GRID2: variants seen among roughly 807,000 people sequenced by gnomAD.
GRID2 encodes the protein glutamate receptor ionotropic, delta-2.
GRID2 carries 33 observed loss-of-function variants against 114.8 expected under a neutral mutation model. That is an observed-to-expected ratio of 0.29 (90% CI 0.22 to 0.38). The LOEUF is 0.38. GRID2 is among the 10% of genes least tolerant of loss of function. The pLI, the probability that GRID2 is intolerant of heterozygous loss-of-function variation, is 1.00. For synonymous variants in GRID2, 505 were observed against 449.9 expected (o/e 1.12, Z -1.55); for missense variants, 1,184 against 1,257.7 (o/e 0.94, Z 0.89).
At chr4:92,822,998 C>G (rs1214773498) in intron 2 of GRID2, 1 of 152,070 alleles carries the variant, frequency 6.6e-6, no homozygotes, top group East Asian at 1.9e-4. Context: ...CACAGCCAGT[C>G]CTGCCACAGC....
intron 1 of GRID2, among the ~76,000 whole-genome samples, chr4:93,788,574 C>T (rs528285923): frequency 4.6e-5 from 7 of 151,988 alleles, no homozygotes; most frequent in African/African-American, 1.4e-4. Context: ...GTAAATTACA[C>T]CTTAACAAAA....
Position 93,189,608 on chromosome 4 carries a change from C to T in GRID2, c.736-17796C>T, listed in dbSNP as rs1360214770. 2.0e-5 allele frequency among the ~76,000 whole-genome samples: 3 copies of T among 152,092 alleles called. No individual in the cohort carries two copies. In the East Asian group the frequency reaches 5.8e-4, roughly 29 times the overall value. Reference sequence around the variant, plus strand: ...GATCTGACTGATAATTCAATGTGTACTTTCATTCAATCATATTAATTTTTT... The same window carrying T: ...GATCTGACTGATAATTCAATGTGTATTTTCATTCAATCATATTAATTTTTT... On this transcript the variant is annotated intron_variant, in intron 4 of 15. Coordinates refer to ENST00000282020, the MANE Select transcript of GRID2 (RefSeq NM_001510.4).
At chr4:93,305,502 T>G (rs1056680882) in intron 8 of GRID2, among the ~76,000 whole-genome samples, 1 of 152,062 alleles carries the variant, frequency 6.6e-6, no homozygotes, top group Non-Finnish European at 1.5e-5. Flanking sequence ...AAGGATAGTT[T>G]TAGGAGGTTC....
At chr4:92,618,159 G>T (rs955272467) in intron 2 of GRID2, among the ~76,000 whole-genome samples, 1 of 151,462 alleles carries the variant, frequency 6.6e-6, no homozygotes, top group African/African-American at 2.4e-5. Flanking sequence ...CTTACATTTA[G>T]ATCTTTGATC....
At chr4:93,118,394 A>G (rs1448812690) in intron 4 of GRID2, among the ~76,000 whole-genome samples, 2 of 152,214 alleles carry the variant, frequency 1.3e-5, no homozygotes. Context: ...CTCAACAATG[A>G]TAAGGGACGT....
At chr4:93,001,976 CA>C (rs1721035638) in intron 2 of GRID2, among the ~76,000 whole-genome samples, 2 of 149,576 alleles carry the variant, frequency 1.3e-5, no homozygotes, top group South Asian at 4.2e-4. Context: ...AGTGATCAAA[CA>C]AAAAATTTTA....
At chr4:93,325,332 A>G (rs993635869) in intron 8 of GRID2, among the ~76,000 whole-genome samples, 14 of 152,018 alleles carry the variant, frequency 9.2e-5, no homozygotes, top group Non-Finnish European at 1.3e-4. Context: ...GAGGACTTGC[A>G]TGTTTTACTA....
At chr4:93,514,686 T>C (rs1729533004) in intron 12 of GRID2, among the ~76,000 whole-genome samples, 1 of 152,160 alleles carries the variant, frequency 6.6e-6, no homozygotes, top group African/African-American at 2.4e-5. Context: ...GAGGATAATG[T>C]ATATCAATTG....
chr4:93,055,953 C>T (rs904583722), intron 2 of GRID2, among the ~76,000 whole-genome samples: 40 of 151,906 alleles, frequency 2.6e-4, no homozygotes, highest in Non-Finnish European at 3.7e-4. Flanking sequence ...CAAAAGTCAC[C>T]TTTTGAATTC....
intron 1 of GRID2, among the ~76,000 whole-genome samples, chr4:92,578,030 C>A (rs1185009322): frequency 7.0e-6 from 1 of 143,772 alleles, no homozygotes; most frequent in Non-Finnish European, 1.5e-5. Flanking sequence ...CTAAAATTTT[C>A]TGAAACTTAG....
chr4:92,321,873 C>T lies in GRID2; in HGVS notation c.88+17129C>T, dbSNP rs181801621. Among the ~76,000 whole-genome samples the T allele has an allele frequency of 3.6e-3, 548 of 152,178 alleles. 5 individuals carry two copies. Among genetic ancestry groups the T allele is most frequent in the African/African-American group, 0.012 (517 of 41,540 alleles). ...TCTTGCCTTGGTCTTTTTCTACTTC[C>T]TGGCTGTGAAGTCCTTGGATGAGTG... is the stretch of plus-strand genomic sequence containing the variant. On this transcript the variant is annotated intron_variant, in intron 1 of 15. Transcript: ENST00000282020.
intron 2 of GRID2, among the ~76,000 whole-genome samples, chr4:92,705,510 C>T (rs1053223285): frequency 3.9e-5 from 6 of 152,082 alleles, no homozygotes; most frequent in African/African-American, 7.2e-5. Context: ...TTGTTGGCTT[C>T]CTTTTGAAGT....
chr4:93,677,539 G>A (rs188910326), intron 14 of GRID2, among the ~76,000 whole-genome samples: 10 of 152,256 alleles, frequency 6.6e-5, no homozygotes, highest in Admixed American at 3.9e-4. Flanking sequence ...CCCAGTAGGG[G>A]CAGACTGACA....
chr4:92,835,541 C>T (rs1005463513), intron 2 of GRID2, among the ~76,000 whole-genome samples: 18 of 152,226 alleles, frequency 1.2e-4, no homozygotes, highest in Non-Finnish European at 2.1e-4. Context: ...CTACTGCCTT[C>T]TACATCAGAA....
In GRID2 at chr4:93,510,711, G is replaced by A. The variant is rs181883399; in HGVS notation, c.1998-4505G>A. Among the ~76,000 whole-genome samples, 81 of 151,996 alleles carry A rather than the reference G, an allele frequency of 5.3e-4. 1 individual carries two copies. The East Asian group carries it at 0.015, about 28-fold the overall frequency. ...AGAATCACCTGACTCTGCCAGGGGG[G>A]AAAAATTCCACAAAAAAATACCAAT... On this transcript the variant is annotated intron_variant, in intron 12 of 15. Coordinates refer to ENST00000282020, the MANE Select transcript of GRID2 (RefSeq NM_001510.4).
At chr4:92,602,851 C>T (rs577125018) in intron 2 of GRID2, among the ~76,000 whole-genome samples, 1 of 152,294 alleles carries the variant, frequency 6.6e-6, no homozygotes, top group South Asian at 2.1e-4. Context: ...GCAACTTCAA[C>T]AATGTCTCAG....
chr4:93,323,646 C>T (rs1757494641), intron 8 of GRID2, among the ~76,000 whole-genome samples: 1 of 152,120 alleles, frequency 6.6e-6, no homozygotes, highest in African/African-American at 2.4e-5. Context: ...GCACTATGGC[C>T]ATTTTCATGA....
intron 1 of GRID2, among the ~76,000 whole-genome samples, chr4:92,548,424 CAG>C (rs1248879147): frequency 2.8e-3 from 5 of 1,804 alleles, no homozygotes; most frequent in Non-Finnish European, 4.6e-3. Flanking sequence ...TTTTTTGAGA[CAG>C]AGTCTTGTTC....
At chr4:92,469,528 G>A (rs1294370715) in intron 1 of GRID2, among the ~76,000 whole-genome samples, 1 of 151,930 alleles carries the variant, frequency 6.6e-6, no homozygotes, top group Non-Finnish European at 1.5e-5. Context: ...TTTTCTATTT[G>A]TATATTTTTA....
Sources: allele counts gnomAD v4.1 joint callset (sites outside exome capture counted in the v4.1 genomes callset), GRCh38; gene constraint gnomAD v4.1.1; transcripts MANE v1.5; gene names NCBI Gene and HGNC (gene_info 2026-07-23, HGNC 2026-07-21).